The following PC variants were observed in gnomAD, a reference collection of about 807,000 sequenced individuals.
The protein encoded by PC is pyruvate carboxylase, also known as pyruvate carboxylase, mitochondrial.
In PC, 46 loss-of-function variants were observed where a neutral mutation model predicts 107.8. The ratio of observed to expected loss-of-function variants is 0.43; its 90% CI spans 0.34 to 0.55. The LOEUF (loss-of-function observed/expected upper bound fraction) is 0.55. Ranked by LOEUF, PC falls within the 20% of genes least tolerant of loss-of-function variation. The pLI, the probability that PC is intolerant of heterozygous loss-of-function variation, is 0.04. For missense variants in PC, 1,241 were observed against 1,643.1 expected (o/e 0.76, Z 4.23); for synonymous variants, 662 against 684.7 (o/e 0.97, Z 0.52).
At chr11:66,939,804 C>CAAAAAAAAAAAAAAAAAA (rs56761659) in intron 3 of PC, among the ~76,000 whole-genome samples, 1 of 40,138 alleles carries the variant, frequency 2.5e-5, no homozygotes, top group Non-Finnish European at 4.2e-5. Flanking sequence ...AACTCCGTCT[C>CAAAAAAAAAAAAAAAAAA]AAAAAAAAAA....
chr11:66,885,118 G>A (rs530710291), intron 3 of PC, among the ~76,000 whole-genome samples: 11 of 152,276 alleles, frequency 7.2e-5, no homozygotes, highest in African/African-American at 2.2e-4. Flanking sequence ...GGTGTCACCC[G>A]GTGTTAGAGG....
chr11:66,877,427 C>A (rs1471735883), intron 3 of PC, among the ~76,000 whole-genome samples: 2 of 152,196 alleles, frequency 1.3e-5, no homozygotes, highest in Non-Finnish European at 2.9e-5. Context: ...CAGTGGCTGA[C>A]GCCTGTAATC....
chr11:66,909,638 G>T (rs1489047656), intron 3 of PC, among the ~76,000 whole-genome samples: 1 of 152,198 alleles, frequency 6.6e-6, no homozygotes, highest in Non-Finnish European at 1.5e-5. Context: ...CACAGTCCCT[G>T]CCCTCCAGGA....
Position 66,849,358 on chromosome 11 carries a change from G to A in PC, c.3160C>T (p.Arg1054Trp). ...GCTTTGATGTGCAGCGTCTTGCCCC[G>A]CTCCAGCTCCACCTGCAGGGAGGGT... is the stretch of plus-strand genomic sequence containing the variant. The part of the protein sequence containing the change: ...IAEEFEVELE[R>W]GKTLHIKALA... The change falls in exon 22 of 23, where the codon CGG (arginine) becomes TGG (tryptophan). Residue 1054 changes from arginine (R) to tryptophan (W), a missense_variant. Arg to Trp is a moderately radical substitution (Grantham distance 101). This residue lies in a region of PC where 1,143 missense variants were observed against 1,551.9 expected (regional missense o/e 0.74). Coordinates refer to ENST00000393960, the MANE Select transcript of PC (RefSeq NM_001040716.2). 6 of 1,612,756 alleles carry A rather than the reference G, an allele frequency of 3.7e-6. No homozygotes were observed. Among genetic ancestry groups the A allele is most frequent in the South Asian group, 1.1e-5 (1 of 91,068 alleles).
At chr11:66,950,963 G>A (rs559221900) in intron 3 of PC, among the ~76,000 whole-genome samples, 3 of 152,166 alleles carry the variant, frequency 2.0e-5, no homozygotes, top group African/African-American at 7.2e-5. Context: ...GGTGAAACTC[G>A]TGGAGGGTGG....
At chr11:66,897,809 T>C (rs1468643063) in intron 3 of PC, among the ~76,000 whole-genome samples, 1 of 152,228 alleles carries the variant, frequency 6.6e-6, no homozygotes, top group Non-Finnish European at 1.5e-5. Flanking sequence ...ATCTTTGTTA[T>C]GTCCACTTGG....
chr11:66,851,674 T>C (rs1170001766), intron 16 of PC, 116 bp downstream of exon 16: 2 of 1,100,546 alleles, frequency 1.8e-6, no homozygotes, highest in Non-Finnish European at 1.4e-6. Context: ...CTGCTGCGTG[T>C]GGCCACAGAG....
At chr11:66,864,708 C>T (rs536113356) in intron 11 of PC, among the ~76,000 whole-genome samples, 8 of 152,174 alleles carry the variant, frequency 5.3e-5, no homozygotes, top group African/African-American at 1.7e-4. Flanking sequence ...CAGGGCCAGA[C>T]GGCAATGGGA....
Position 66,850,962 on chromosome 11 carries a change from G to T in PC, c.2224-39C>A, listed in dbSNP as rs765100550. 5 of 1,607,772 alleles carry T rather than the reference G, an allele frequency of 3.1e-6. No individual in the cohort carries two copies. In the Admixed American group the frequency reaches 5.0e-5, roughly 16 times the overall value. ...GAGAGAGAGAGAGAGAGATGGTAGA[G>T]AGGGCAGGATGTGTGCCTGTGGGTG... On this transcript the variant is annotated intron_variant, in intron 17 of 22. Coordinates refer to ENST00000393960, the MANE Select transcript of PC (RefSeq NM_001040716.2).
At chr11:66,941,209 G>A (rs1949122355) in intron 3 of PC, among the ~76,000 whole-genome samples, 1 of 152,102 alleles carries the variant, frequency 6.6e-6, no homozygotes, top group African/African-American at 2.4e-5. Context: ...TGTTGGTGAG[G>A]ATGTGGAAAA....
At chr11:66,950,909 C>T (rs1360974330) in intron 3 of PC, among the ~76,000 whole-genome samples, 1 of 151,964 alleles carries the variant, frequency 6.6e-6, no homozygotes, top group African/African-American at 2.4e-5. Flanking sequence ...CCAACTCTAG[C>T]AGCCAAGAAT....
Position 66,858,477 on chromosome 11 carries a change from C to A in PC, c.1369-5094G>T. The A allele has an allele frequency of 6.5e-7, 1 of 1,543,264 alleles. No individual in the cohort carries two copies. Among genetic ancestry groups the A allele is most frequent in the Non-Finnish European group, 8.7e-7 (1 of 1,150,974 alleles). ...GCACTGCAACTGTGAGCTGCTGTGG[C>A]TGCGGCGGCTGGCGCGGCCGGACGA... On this transcript the variant is annotated intron_variant, in intron 12 of 22. Transcript: ENST00000393960. This position sits in a 1 kb window ranked among gnomAD's most constrained non-coding sequence, Gnocchi z 5.9.
intron 3 of PC, among the ~76,000 whole-genome samples, chr11:66,872,787 G>C (rs1438541616): frequency 6.6e-6 from 1 of 151,854 alleles, no homozygotes; most frequent in Non-Finnish European, 1.5e-5. Flanking sequence ...TGTAATCCCA[G>C]CACTTTGGGA....
intron 3 of PC, among the ~76,000 whole-genome samples, chr11:66,919,611 C>T (rs1160340597): frequency 6.6e-6 from 1 of 152,198 alleles, no homozygotes; most frequent in Non-Finnish European, 1.5e-5. Context: ...GCAGTGAATA[C>T]ACCAGTGCTG....
rs1949308859 is a variant in PC at position 66,946,837 on chromosome 11, C to CTAAGACGTGTAATTTACTA, written c.-1+5592_-1+5593insTAGTAAATTACACGTCTTA. Among the ~76,000 whole-genome samples the CTAAGACGTGTAATTTACTA allele has an allele frequency of 2.0e-5, 3 of 152,226 alleles. No homozygotes were observed. The South Asian group carries it at 6.2e-4, about 32-fold the overall frequency. On this transcript the variant is annotated intron_variant, in intron 3 of 22. Transcript: ENST00000393960. ...TAGTTAGTTTAGACGTGTGATTTTA[C>CTAAGACGTGTAATTTACTA]ATAGAAATTTTACTAAGTTTAAAAT...
intron 12 of PC, chr11:66,860,108 G>T: frequency 6.4e-7 from 1 of 1,551,610 alleles, no homozygotes. Flanking sequence ...GGGCCCGACG[G>T]AGCCACTCTG....
At chr11:66,874,800 GA>G (rs59022229) in intron 3 of PC, among the ~76,000 whole-genome samples, 1 of 152,302 alleles carries the variant, frequency 6.6e-6, no homozygotes, top group East Asian at 1.9e-4. Flanking sequence ...CAAGTGCCTG[GA>G]AGATAAGAAA....
intron 3 of PC, among the ~76,000 whole-genome samples, chr11:66,913,208 G>A (rs1194965722): frequency 6.6e-6 from 1 of 151,836 alleles, no homozygotes; most frequent in Non-Finnish European, 1.5e-5. Context: ...GCTCTTTTCT[G>A]GTTCAGGCGC....
At position 66,858,742 on chromosome 11, in the gene PC, A is replaced by G. The variant is rs752372693; in HGVS notation, c.1368+5032T>C. Reference sequence around the variant, plus strand: ...TCCTCCCGAGCCCGGGCTTTCCCCAACGGGACCTTAGAGATTGGGGTGACC... The same window carrying G: ...TCCTCCCGAGCCCGGGCTTTCCCCAGCGGGACCTTAGAGATTGGGGTGACC... On this transcript the variant is annotated intron_variant, in intron 12 of 22. Transcript: ENST00000393960. The surrounding 1 kb of genome is among the most constrained non-coding windows in gnomAD (Gnocchi z 5.9). 9 of 1,553,946 alleles carry G rather than the reference A, an allele frequency of 5.8e-6. No homozygotes were observed. The highest frequency in any genetic ancestry group is 4.7e-5 in the South Asian group (4 of 84,652).
Sources: gnomAD v4.1 joint callset for allele counts (sites outside exome capture counted in the v4.1 genomes callset) on GRCh38, gnomAD v4.1.1 for gene constraint, gnomAD v4.1.1 regional missense constraint, Gnocchi (gnomAD v3.1) non-coding constraint, MANE v1.5 for transcripts, NCBI Gene and HGNC (gene_info 2026-07-23, HGNC 2026-07-21) for gene names.